Variants in HECW1 observed in about 807,000 individuals in gnomAD.
The protein encoded by HECW1 is HECT, C2 and WW domain containing E3 ubiquitin protein ligase 1, also known as E3 ubiquitin-protein ligase HECW1.
HECW1 carries 61 observed loss-of-function variants against 182.3 expected under a neutral mutation model. The observed-to-expected ratio is 0.33, with a 90% CI of 0.27 to 0.41. The LOEUF (loss-of-function observed/expected upper bound fraction) is 0.41. HECW1 is among the 10% of genes least tolerant of loss of function. The pLI, the probability that HECW1 is intolerant of heterozygous loss-of-function variation, is 1.00. For missense variants in HECW1, 1,739 were observed against 2,108.9 expected, an observed-to-expected ratio of 0.82 and a Z score of 3.44; for synonymous variants, 859 against 832.6, an observed-to-expected ratio of 1.03 and a Z score of -0.55.
chr7:43,534,401 A>AT (rs1302481921), intron 24 of HECW1, among the ~76,000 whole-genome samples: 1 of 152,176 alleles, frequency 6.6e-6, no homozygotes, highest in Admixed American at 6.5e-5. Context: ...ATGTTCCCCA[A>AT]CAGTAGTTCA....
chr7:43,226,147 A>C, intron 2 of HECW1, among the ~76,000 whole-genome samples: 1 of 152,178 alleles, frequency 6.6e-6, no homozygotes, highest in Middle Eastern at 3.2e-3. Context: ...GCCACTAAAT[A>C]CCATATGTGC....
chr7:43,168,280 G>C (rs1468619699), intron 2 of HECW1, among the ~76,000 whole-genome samples: 2 of 152,160 alleles, frequency 1.3e-5, no homozygotes, highest in African/African-American at 4.8e-5. Flanking sequence ...CAGAGAGAGA[G>C]AGACAAGGAA....
chr7:43,133,355 GA>G (rs1787166823), intron 2 of HECW1, among the ~76,000 whole-genome samples: 1 of 151,976 alleles, frequency 6.6e-6, no homozygotes. Context: ...CCTGGGAAAT[GA>G]ATATCATGTG....
intron 2 of HECW1, among the ~76,000 whole-genome samples, chr7:43,181,878 C>T (rs573345266): frequency 6.6e-6 from 1 of 150,800 alleles, no homozygotes; most frequent in Non-Finnish European, 1.5e-5. Context: ...AGCTCCACCT[C>T]CTGGGTTCAT....
At chr7:43,207,205 C>T (rs1049272427) in intron 2 of HECW1, among the ~76,000 whole-genome samples, 8 of 152,092 alleles carry the variant, frequency 5.3e-5, no homozygotes, top group Admixed American at 5.2e-4. Flanking sequence ...TGCCACCATG[C>T]CTGGCTAATT....
At chr7:43,298,084 A>G (rs1042544787) in intron 3 of HECW1, among the ~76,000 whole-genome samples, 3 of 152,120 alleles carry the variant, frequency 2.0e-5, no homozygotes, top group Non-Finnish European at 2.9e-5. Flanking sequence ...GGGGAAAAAT[A>G]GGAAAAAAAA....
chr7:43,404,312 A>G (rs1167972359), intron 7 of HECW1, among the ~76,000 whole-genome samples: 1 of 152,208 alleles, frequency 6.6e-6, no homozygotes, highest in Non-Finnish European at 1.5e-5. Context: ...ATGAAGAAAC[A>G]TGTGCTCTTG....
intron 24 of HECW1, among the ~76,000 whole-genome samples, chr7:43,538,662 G>A (rs1313980126): frequency 6.6e-6 from 1 of 152,162 alleles, no homozygotes; most frequent in African/African-American, 2.4e-5. Flanking sequence ...CTTGCCTGGG[G>A]CTAATTATTG....
intron 22 of HECW1, among the ~76,000 whole-genome samples, chr7:43,507,561 C>T (rs7778581): frequency 0.035 from 5,288 of 152,148 alleles, 309 homozygotes; most frequent in African/African-American, 0.12. Context: ...AAATCTTGAA[C>T]TAAATAAAAA....
chr7:43,412,715 G>A lies in HECW1; in HGVS notation c.801+4984G>A, dbSNP rs1307514741. Among the ~76,000 whole-genome samples the A allele has an allele frequency of 2.6e-5, 4 of 151,002 alleles. No individual in the cohort carries two copies. In the South Asian group the frequency reaches 8.4e-4, roughly 32 times the overall value. On this transcript the variant is annotated intron_variant, in intron 8 of 29. Coordinates refer to ENST00000395891, the MANE Select transcript of HECW1 (RefSeq NM_015052.5). ...GAGAATATGCGGTGTTTGGTTTTTA[G>A]TTCTTGCGATAGTTTACTGAGAATG... is the stretch of plus-strand genomic sequence containing the variant.
At chr7:43,539,771 T>C (rs749819330) in intron 24 of HECW1, among the ~76,000 whole-genome samples, 9 of 152,222 alleles carry the variant, frequency 5.9e-5, no homozygotes, top group Non-Finnish European at 1.2e-4. Context: ...ACTATCATGT[T>C]AGAAGCATTG....
chr7:43,323,590 A>AT (rs1156504231), intron 5 of HECW1, among the ~76,000 whole-genome samples: 1 of 152,198 alleles, frequency 6.6e-6, no homozygotes, highest in African/African-American at 2.4e-5. Flanking sequence ...GGGCGGCAGA[A>AT]TGAGACCCTG....
At chr7:43,456,266 T>C (rs2077398920) in intron 12 of HECW1, 31 bp from the exon 13 acceptor site, 1 of 1,549,662 alleles carries the variant, frequency 6.5e-7, no homozygotes. Context: ...TTGTCCTTGA[T>C]TTTTCTTTTT....
At chr7:43,145,410 C>T (rs934649509) in intron 2 of HECW1, among the ~76,000 whole-genome samples, 3 of 152,156 alleles carry the variant, frequency 2.0e-5, no homozygotes, top group Admixed American at 1.3e-4. Context: ...ATCCTCCCAC[C>T]TCAGCCTCCT....
chr7:43,132,200 C>G (rs1787019789), intron 2 of HECW1, among the ~76,000 whole-genome samples: 1 of 151,096 alleles, frequency 6.6e-6, no homozygotes, highest in Admixed American at 6.6e-5. Flanking sequence ...TGGTGTTTCT[C>G]TTGCCAATTT....
chr7:43,282,846 G>A (rs573625201), intron 3 of HECW1, among the ~76,000 whole-genome samples: 28 of 152,216 alleles, frequency 1.8e-4, no homozygotes, highest in South Asian at 4.2e-4. Flanking sequence ...GGCTGGGTGC[G>A]GTGGCTCACG....
chr7:43,274,613 A>G lies in HECW1; in HGVS notation c.27+30681A>G, dbSNP rs114781842. 6.8e-3 allele frequency: 2,718 copies of G among 398,662 alleles called. 76 individuals carry two copies. The highest frequency in any genetic ancestry group is 0.054 in the African/African-American group (2,552 of 47,554). The allele number at this position is 398,662 out of a possible 1,614,324, so 24.7% of individuals were successfully genotyped here. A position where few individuals can be genotyped will look rare whatever the true frequency, so the allele number is the denominator to read the frequency against. ...GGTTCCTCGCCCCGGGTGTGCCCCA[A>G]ATAAACTCAGGAACGCCCCGGGGGA... On this transcript the variant is annotated intron_variant, in intron 3 of 29. Coordinates refer to ENST00000395891, the MANE Select transcript of HECW1 (RefSeq NM_015052.5).
chr7:43,401,418 CAG>C (rs1441263915), intron 7 of HECW1, among the ~76,000 whole-genome samples: 6 of 152,162 alleles, frequency 3.9e-5, no homozygotes, highest in Admixed American at 2.6e-4. Context: ...ATGAAGAAAT[CAG>C]AACAAACTGA....
chr7:43,256,705 C>T (rs1341707838), intron 3 of HECW1, among the ~76,000 whole-genome samples: 1 of 150,896 alleles, frequency 6.6e-6, no homozygotes, highest in Non-Finnish European at 1.5e-5. Context: ...ATAAGTAGTA[C>T]ATTAGCTTAA....
Sources: allele counts gnomAD v4.1 joint callset (sites outside exome capture counted in the v4.1 genomes callset), GRCh38; gene constraint gnomAD v4.1.1; transcripts MANE v1.5; gene names NCBI Gene and HGNC (gene_info 2026-07-23, HGNC 2026-07-21).